The following SDCCAG8 variants were observed in gnomAD, a reference collection of about 807,000 sequenced individuals.
SDCCAG8 encodes SHH signaling and ciliogenesis regulator SDCCAG8.
In SDCCAG8, 74 loss-of-function variants were observed where a neutral mutation model predicts 101.8. That is an observed-to-expected ratio of 0.73 (90% CI 0.60 to 0.88). The LOEUF (loss-of-function observed/expected upper bound fraction) is 0.88. SDCCAG8 is among the 40% of genes least tolerant of loss of function. SDCCAG8 has a pLI of 0.00. For synonymous variants in SDCCAG8, 281 were observed against 292.9 expected (o/e 0.96, Z 0.41); for missense variants, 787 against 822.6 (o/e 0.96, Z 0.53).
intron 11 of SDCCAG8, among the ~76,000 whole-genome samples, chr1:243,342,855 G>T (rs1005796084): frequency 6.6e-6 from 1 of 152,174 alleles, no homozygotes; most frequent in African/African-American, 2.4e-5. Flanking sequence ...CTAGCTTTCT[G>T]AGGGCTACTA....
chr1:243,499,765 ATGCCACAATCTGAT>A lies in SDCCAG8; in HGVS notation c.2126_2139del (p.Pro709LeufsTer22). On this transcript the variant is annotated frameshift_variant, in exon 18 of 18. Coordinates refer to ENST00000366541, the MANE Select transcript of SDCCAG8 (RefSeq NM_006642.5). LOFTEE classifies it high-confidence loss of function. The stretch of plus-strand genomic sequence containing the variant: ...TTATTATTTTTTCCAGTTACCCAGC[ATGCCACAATCTGAT>A]TGCTGACCTGGATGGAACAGAGTGA... 6.2e-7 allele frequency: 1 copy of A among 1,612,424 alleles called. No homozygotes were observed. Among genetic ancestry groups the A allele is most frequent in the South Asian group, 1.1e-5 (1 of 91,052 alleles).
At chr1:243,382,900 T>C (rs1475519342) in intron 13 of SDCCAG8, among the ~76,000 whole-genome samples, 1 of 152,140 alleles carries the variant, frequency 6.6e-6, no homozygotes, top group Non-Finnish European at 1.5e-5. Context: ...CTAGCCCAAA[T>C]TGACTAGAGG....
chr1:243,317,370 G>A (rs2073351775), intron 9 of SDCCAG8, among the ~76,000 whole-genome samples: 1 of 149,504 alleles, frequency 6.7e-6, no homozygotes, highest in Non-Finnish European at 1.5e-5. Flanking sequence ...GCCCAGGCTG[G>A]AGTGCAATGG....
At chr1:243,411,117 A>AT (rs1462381262) in intron 13 of SDCCAG8, among the ~76,000 whole-genome samples, 2 of 151,754 alleles carry the variant, frequency 1.3e-5, no homozygotes, top group Non-Finnish European at 2.9e-5. Context: ...ATTTTTATTT[A>AT]TTTTTTTATT....
intron 13 of SDCCAG8, among the ~76,000 whole-genome samples, chr1:243,414,842 AAT>A (rs1491569304): frequency 3.1e-5 from 3 of 97,096 alleles, no homozygotes; most frequent in African/African-American, 1.1e-4. Context: ...GAACCATTCT[AAT>A]ATGTGTGTGT....
At chr1:243,432,967 A>C (rs1314703489) in intron 16 of SDCCAG8, among the ~76,000 whole-genome samples, 4 of 152,134 alleles carry the variant, frequency 2.6e-5, no homozygotes, top group African/African-American at 7.2e-5. Context: ...GGAGACGCTG[A>C]GGTAGACAAA....
chr1:243,279,742 T>C (rs2068874052), intron 4 of SDCCAG8, among the ~76,000 whole-genome samples: 1 of 152,240 alleles, frequency 6.6e-6, no homozygotes. Flanking sequence ...GTTGTGTAAT[T>C]AGAATAAATC....
intron 6 of SDCCAG8, among the ~76,000 whole-genome samples, chr1:243,304,433 T>G (rs1288384149): frequency 6.6e-6 from 1 of 152,232 alleles, no homozygotes; most frequent in African/African-American, 2.4e-5. Context: ...TTATGGGTTA[T>G]AACTGTTTTT....
At chr1:243,314,956 C>G (rs1217639784) in intron 8 of SDCCAG8, among the ~76,000 whole-genome samples, 1 of 152,222 alleles carries the variant, frequency 6.6e-6, no homozygotes, top group Non-Finnish European at 1.5e-5. Context: ...GTGATCCGCC[C>G]ACCTCGGCCT....
At chr1:243,304,595 A>T (rs1470850489) in intron 6 of SDCCAG8, 118 bp from the exon 7 acceptor site, 4 of 647,490 alleles carry the variant, frequency 6.2e-6, no homozygotes, top group Non-Finnish European at 8.3e-6. Flanking sequence ...TTCTAAGAAG[A>T]CATGTTTCCC....
chr1:243,270,131 C>T lies in SDCCAG8; in HGVS notation c.94C>T (p.Leu32=), dbSNP rs762344881. The T allele has an allele frequency of 1.2e-6, 2 of 1,614,202 alleles. No individual in the cohort carries two copies. Among genetic ancestry groups the T allele is most frequent in the Non-Finnish European group, 8.5e-7 (1 of 1,180,038 alleles). ...REHASRSIHQ[L]TCALKEGDVT... ...ACATGCCAGCAGAAGCATTCACCAACTGACATGTGCCCTGAAAGAAGGCGA... is the reference window on the plus strand; with the variant it reads ...ACATGCCAGCAGAAGCATTCACCAATTGACATGTGCCCTGAAAGAAGGCGA... The change falls in exon 2 of 18, where the codon CTG becomes TTG. Residue 32 remains leucine, a synonymous_variant. Transcript: ENST00000366541.
chr1:243,348,497 TC>T (rs2075877925), intron 12 of SDCCAG8, among the ~76,000 whole-genome samples: 1 of 151,624 alleles, frequency 6.6e-6, no homozygotes, highest in Non-Finnish European at 1.5e-5. Context: ...CATACGCACC[TC>T]CCCCAGTGCC....
intron 17 of SDCCAG8, among the ~76,000 whole-genome samples, chr1:243,493,902 T>C (rs1256612389): frequency 6.6e-6 from 1 of 151,800 alleles, no homozygotes; most frequent in African/African-American, 2.4e-5. Context: ...AGGGAGGTTC[T>C]AGAAAAGTGA....
At chr1:243,276,017 C>A (rs1055155882) in intron 4 of SDCCAG8, among the ~76,000 whole-genome samples, 1 of 151,988 alleles carries the variant, frequency 6.6e-6, no homozygotes. Context: ...GCCTGCGCCA[C>A]CACGCCCAGC....
At chr1:243,312,564 G>C (rs992988754) in intron 8 of SDCCAG8, among the ~76,000 whole-genome samples, 1 of 152,106 alleles carries the variant, frequency 6.6e-6, no homozygotes, top group African/African-American at 2.4e-5. Context: ...AAAATAGCTG[G>C]ATGTGTTGGT....
At chr1:243,406,774 G>A (rs901971768) in intron 13 of SDCCAG8, among the ~76,000 whole-genome samples, 11 of 152,024 alleles carry the variant, frequency 7.2e-5, no homozygotes, top group Admixed American at 3.9e-4. Context: ...CCAGCATCCC[G>A]TCATGCCAAA....
chr1:243,296,709 A>AT (rs919440106), intron 6 of SDCCAG8, among the ~76,000 whole-genome samples: 16 of 148,730 alleles, frequency 1.1e-4, no homozygotes, highest in South Asian at 2.1e-4. Context: ...CGCCCGGCTA[A>AT]TTTTTTTTTG....
intron 16 of SDCCAG8, among the ~76,000 whole-genome samples, chr1:243,455,637 C>G (rs1229568250): frequency 3.7e-5 from 3 of 80,192 alleles, no homozygotes; most frequent in Admixed American, 1.0e-4. Flanking sequence ...TAATAAATGA[C>G]CTAATTCAAA....
intron 3 of SDCCAG8, among the ~76,000 whole-genome samples, chr1:243,274,086 G>A (rs1212500965): frequency 6.6e-6 from 1 of 152,202 alleles, no homozygotes; most frequent in East Asian, 1.9e-4. Flanking sequence ...TATAGGAAGT[G>A]TGATACTGGC....
Sources: allele counts gnomAD v4.1 joint callset (sites outside exome capture counted in the v4.1 genomes callset), GRCh38; gene constraint gnomAD v4.1.1; transcripts MANE v1.5; gene names NCBI Gene and HGNC (gene_info 2026-07-23, HGNC 2026-07-21).